The following RPS6KA2 variants were observed in gnomAD, a reference collection of about 807,000 sequenced individuals.
RPS6KA2 encodes ribosomal protein S6 kinase A2, also known as ribosomal protein S6 kinase alpha-2.
A neutral mutation model predicts 91.8 loss-of-function variants in RPS6KA2; 42 were observed. The observed-to-expected ratio is 0.46, with a 90% CI of 0.36 to 0.59. RPS6KA2 has a LOEUF of 0.59. RPS6KA2 is among the 20% of genes least tolerant of loss of function. The probability of loss-of-function intolerance (pLI) is 0.00; values close to 1 mark genes in which losing one functional copy is unlikely to be tolerated. For missense variants in RPS6KA2, 798 were observed against 978.5 expected (o/e 0.82, Z 2.46); for synonymous variants, 414 against 393.6 (o/e 1.05, Z -0.61).
chr6:166,695,065 T>C (rs189919507), intron 2 of RPS6KA2, among the ~76,000 whole-genome samples: 221 of 152,246 alleles, frequency 1.5e-3, no homozygotes, highest in African/African-American at 5.0e-3. Flanking sequence ...AATATTCCGG[T>C]GGAGAAAATG....
At chr6:166,822,431 C>T (rs1779927617) in intron 2 of RPS6KA2, among the ~76,000 whole-genome samples, 1 of 152,202 alleles carries the variant, frequency 6.6e-6, no homozygotes, top group South Asian at 2.1e-4. Flanking sequence ...AAGAGGGTGC[C>T]CCGGCAAGCC....
rs375628241 is a variant in RPS6KA2 at position 166,733,401 on chromosome 6, T to G, written c.123+124799A>C. 1.8e-4 allele frequency among the ~76,000 whole-genome samples: 27 copies of G among 152,310 alleles called. No homozygotes were observed. The East Asian group carries it at 4.4e-3, about 25-fold the overall frequency. ...AATTAATTGGAATGTTCTTTTGCAT[T>G]GTCGTCCAGGAAATTTAGAGGCCAA... is the stretch of plus-strand genomic sequence containing the variant. On this transcript the variant is annotated intron_variant, in intron 2 of 21. Coordinates refer to the RPS6KA2 transcript ENST00000503859. The surrounding 1 kb of genome is among the most constrained non-coding windows in gnomAD (Gnocchi z 4.1).
intron 2 of RPS6KA2, among the ~76,000 whole-genome samples, chr6:166,722,370 TG>T (rs1790201210): frequency 6.6e-6 from 1 of 152,206 alleles, no homozygotes; most frequent in Non-Finnish European, 1.5e-5. Context: ...CAGGTGAAAG[TG>T]ATGGAAAAAT....
intron 1 of RPS6KA2, among the ~76,000 whole-genome samples, chr6:166,550,553 G>A (rs111373942): frequency 1.5e-4 from 23 of 152,246 alleles, no homozygotes; most frequent in East Asian, 7.7e-4. Context: ...TACAGATGGC[G>A]AACATGGACG....
At chr6:166,587,798 T>C (rs3799603) in intron 1 of RPS6KA2, among the ~76,000 whole-genome samples, 63,462 of 151,834 alleles carry the variant, frequency 0.42, 14,169 homozygotes, top group African/African-American at 0.56. Context: ...ACTAGCACAG[T>C]GGGTAGAGTC....
intron 12 of RPS6KA2, among the ~76,000 whole-genome samples, chr6:166,452,098 C>T (rs4710050): frequency 0.28 from 41,805 of 152,002 alleles, 5,799 homozygotes; most frequent in Middle Eastern, 0.36. Context: ...TTAAATAGGA[C>T]AACACTTTTG....
At chr6:166,429,867 G>A (rs997230752) in intron 16 of RPS6KA2, among the ~76,000 whole-genome samples, 1 of 152,002 alleles carries the variant, frequency 6.6e-6, no homozygotes, top group South Asian at 2.1e-4. Context: ...ATAAACTTCT[G>A]TTTTTCTCTT....
intron 1 of RPS6KA2, among the ~76,000 whole-genome samples, chr6:166,548,209 A>T (rs1489681727): frequency 6.6e-5 from 10 of 152,248 alleles, no homozygotes; most frequent in Admixed American, 6.5e-4. Flanking sequence ...GAAATCAAAG[A>T]TCTAAATAAA....
rs1671908274 is a variant in RPS6KA2 at position 166,437,191 on chromosome 6, T to C, written c.1333-4701A>G. Among the ~76,000 whole-genome samples the C allele has an allele frequency of 6.6e-6, 1 of 152,070 alleles. No homozygotes were observed. Among genetic ancestry groups the C allele is most frequent in the Non-Finnish European group, 1.5e-5 (1 of 68,012 alleles). On this transcript the variant is annotated intron_variant, in intron 14 of 20. Transcript: ENST00000265678. The surrounding 1 kb of genome is among the most constrained non-coding windows in gnomAD (Gnocchi z 4.3). Reference sequence around the variant, plus strand: ...GCGGGCAGCCGGGGTTTGGACACACTGTTTAGGAGCACCAGGGAGTGGGCC... The same window carrying C: ...GCGGGCAGCCGGGGTTTGGACACACCGTTTAGGAGCACCAGGGAGTGGGCC...
chr6:166,759,553 G>A (rs1191667147), intron 2 of RPS6KA2, among the ~76,000 whole-genome samples: 4 of 152,224 alleles, frequency 2.6e-5, no homozygotes, highest in Non-Finnish European at 5.9e-5. Flanking sequence ...GATTTTATGT[G>A]AGTCTCAGCA....
chr6:166,748,365 G>A (rs1330852106), intron 2 of RPS6KA2, among the ~76,000 whole-genome samples: 2 of 152,094 alleles, frequency 1.3e-5, no homozygotes, highest in African/African-American at 2.4e-5. Flanking sequence ...GTGTTTCTGC[G>A]GTGTCTTCCA....
At chr6:166,835,027 A>G (rs986144521) in intron 2 of RPS6KA2, among the ~76,000 whole-genome samples, 2 of 152,168 alleles carry the variant, frequency 1.3e-5, no homozygotes, top group African/African-American at 2.4e-5. Flanking sequence ...TTTTGTTTAT[A>G]AATATCTACT....
intron 2 of RPS6KA2, among the ~76,000 whole-genome samples, chr6:166,670,246 G>A (rs76047061): frequency 0.033 from 5,075 of 152,314 alleles, 128 homozygotes; most frequent in Non-Finnish European, 0.049. Context: ...CTTTTCGGCA[G>A]CCTGGTGAGA....
At chr6:166,674,014 C>A (rs893608720) in intron 2 of RPS6KA2, among the ~76,000 whole-genome samples, 3 of 152,240 alleles carry the variant, frequency 2.0e-5, no homozygotes, top group Non-Finnish European at 4.4e-5. Context: ...AGCGTGTCAA[C>A]AGCCCTGAAG....
Position 166,508,731 on chromosome 6 carries a change from G to A in RPS6KA2, c.380-449C>T, listed in dbSNP as rs1782355558. ...CTTACAGAACTCCACTCTGGTACCA[G>A]GGAGCCCCCCGCTTGCCTTCCTCTC... On this transcript the variant is annotated intron_variant, in intron 4 of 20. Coordinates refer to ENST00000265678, the MANE Select transcript of RPS6KA2 (RefSeq NM_021135.6). This position sits in a 1 kb window ranked among gnomAD's most constrained non-coding sequence, Gnocchi z 4.3. Among the ~76,000 whole-genome samples, 1 of 152,180 alleles carries A rather than the reference G, an allele frequency of 6.6e-6. No individual in the cohort carries two copies. The highest frequency in any genetic ancestry group is 2.4e-5 in the African/African-American group (1 of 41,434).
At chr6:166,779,572 T>C (rs543335826) in intron 2 of RPS6KA2, among the ~76,000 whole-genome samples, 2 of 152,266 alleles carry the variant, frequency 1.3e-5, no homozygotes, top group African/African-American at 4.8e-5. Context: ...CAGTAACCCA[T>C]GTGCCGGAGC....
At chr6:166,514,876 A>G (rs1782590236) in intron 3 of RPS6KA2, among the ~76,000 whole-genome samples, 1 of 152,178 alleles carries the variant, frequency 6.6e-6, no homozygotes, top group South Asian at 2.1e-4. Context: ...TGGAGAAATT[A>G]GCCAGGAGAG....
intron 2 of RPS6KA2, among the ~76,000 whole-genome samples, chr6:166,759,132 C>T (rs1432119666): frequency 6.6e-6 from 1 of 152,124 alleles, no homozygotes; most frequent in African/African-American, 2.4e-5. Flanking sequence ...CAGATACATA[C>T]ATACTTCAGG....
intron 2 of RPS6KA2, among the ~76,000 whole-genome samples, chr6:166,697,523 G>T (rs974930551): frequency 8.5e-5 from 13 of 152,190 alleles, no homozygotes; most frequent in Non-Finnish European, 1.8e-4. Context: ...TCTGTTTTCT[G>T]AAGGCTGAAT....
Sources: allele counts gnomAD v4.1 joint callset (sites outside exome capture counted in the v4.1 genomes callset), GRCh38; gene constraint gnomAD v4.1.1; non-coding constraint Gnocchi (gnomAD v3.1); transcripts MANE v1.5; gene names NCBI Gene and HGNC (gene_info 2026-07-23, HGNC 2026-07-21).